The following ACVR1 variants were observed in gnomAD, a reference collection of about 807,000 sequenced individuals.
ACVR1 encodes the protein activin receptor type-1.
A neutral mutation model predicts 57.1 loss-of-function variants in ACVR1; 38 were observed. The ratio of observed to expected loss-of-function variants is 0.67; its 90% CI spans 0.51 to 0.87. The LOEUF is 0.87. Ranked by LOEUF, ACVR1 falls within the 40% of genes least tolerant of loss-of-function variation. The pLI is 0.00. For synonymous variants in ACVR1, 212 were observed against 228.1 expected, an observed-to-expected ratio of 0.93 and a Z score of 0.63; for missense variants, 463 against 638.2, an observed-to-expected ratio of 0.73 and a Z score of 2.96.
intron 3 of ACVR1, among the ~76,000 whole-genome samples, chr2:157,787,533 C>T (rs981996708): frequency 6.6e-6 from 1 of 152,132 alleles, no homozygotes; most frequent in Admixed American, 6.5e-5. Context: ...TCTGGAGGAA[C>T]AGGGAAGAAA....
In ACVR1 at chr2:157,766,222, T is replaced by C. The variant is rs2276148; in HGVS notation, c.791-26A>G. On this transcript the variant is annotated intron_variant, in intron 7 of 10. Coordinates refer to ENST00000434821, the MANE Select transcript of ACVR1 (RefSeq NM_001111067.4). ...CTGGAGAGAGCAAGAAAAAAATTAA[T>C]ATACATGAGGATTCCACATTATAAC... The C allele has an allele frequency of 1.5e-3, 2,484 of 1,611,504 alleles. 32 individuals carry two copies. The East Asian group carries it at 0.029, about 19-fold the overall frequency.
At chr2:157,855,368 C>A in intron 1 of ACVR1, among the ~76,000 whole-genome samples, 1 of 140,228 alleles carries the variant, frequency 7.1e-6, no homozygotes, top group Non-Finnish European at 1.5e-5. Context: ...GACGTGGTGG[C>A]TTTCATCTGT....
intron 2 of ACVR1, among the ~76,000 whole-genome samples, chr2:157,809,700 T>A (rs999307317): frequency 6.6e-6 from 1 of 152,036 alleles, no homozygotes; most frequent in African/African-American, 2.4e-5. Context: ...AAGAATGAAA[T>A]CTTAAAAATA....
intron 7 of ACVR1, 151 bp from the exon 8 acceptor site, chr2:157,766,347 C>A: frequency 1.3e-6 from 1 of 768,836 alleles, no homozygotes; most frequent in Non-Finnish European, 2.1e-6. Context: ...ACAGAAGCAT[C>A]AACAGAGAAA....
intron 9 of ACVR1, among the ~76,000 whole-genome samples, chr2:157,740,896 C>G (rs1218377229): frequency 1.3e-5 from 2 of 152,296 alleles, no homozygotes; most frequent in South Asian, 2.1e-4. Flanking sequence ...GCCTCTTTTT[C>G]CTCAATCATT....
intron 1 of ACVR1, among the ~76,000 whole-genome samples, chr2:157,860,825 T>C (rs1689692605): frequency 6.6e-6 from 1 of 152,156 alleles, no homozygotes; most frequent in Admixed American, 6.6e-5. Flanking sequence ...TACCCCTTCC[T>C]ACGCTCAAGT....
intron 2 of ACVR1, among the ~76,000 whole-genome samples, chr2:157,801,991 T>C (rs1687343922): frequency 6.6e-6 from 1 of 152,160 alleles, no homozygotes; most frequent in Non-Finnish European, 1.5e-5. Flanking sequence ...TTACAAGATA[T>C]GTCTATGGTG....
intron 10 of ACVR1, 72 bp from the exon 11 acceptor site, chr2:157,737,737 C>A (rs761627707): frequency 5.1e-6 from 8 of 1,580,330 alleles, no homozygotes; most frequent in African/African-American, 1.3e-5. Context: ...GGGCTGATAT[C>A]ATGTCTACTA....
intron 1 of ACVR1, among the ~76,000 whole-genome samples, chr2:157,842,026 CAAAAAA>C (rs34227882): frequency 1.0e-5 from 1 of 99,592 alleles, no homozygotes; most frequent in African/African-American, 4.3e-5. Context: ...GACTCCATCT[CAAAAAA>C]AAAAAAAAAA....
intron 1 of ACVR1, among the ~76,000 whole-genome samples, chr2:157,855,711 T>C (rs1689508073): frequency 1.3e-5 from 2 of 152,044 alleles, no homozygotes; most frequent in Admixed American, 1.3e-4. Flanking sequence ...GGAAGAGCTT[T>C]ATAAACTGTA....
Position 157,775,691 on chromosome 2 carries a change from G to A in ACVR1, c.544-1504C>T, listed in dbSNP as rs575226476. ...TCTCCCTAACCATTTTCTCTCTTGCGGTTCTTTTTGCTCCTTATTCATTCA... is the reference window on the plus strand; with the variant it reads ...TCTCCCTAACCATTTTCTCTCTTGCAGTTCTTTTTGCTCCTTATTCATTCA... On this transcript the variant is annotated intron_variant, in intron 5 of 10. Transcript: ENST00000434821. Among the ~76,000 whole-genome samples, 32 of 152,216 alleles carry A rather than the reference G, an allele frequency of 2.1e-4. No individual in the cohort carries two copies. The East Asian group carries it at 4.6e-3, about 22-fold the overall frequency.
At chr2:157,758,112 A>G (rs1366914244) in intron 9 of ACVR1, among the ~76,000 whole-genome samples, 3 of 152,066 alleles carry the variant, frequency 2.0e-5, no homozygotes, top group Non-Finnish European at 4.4e-5. Flanking sequence ...AGGCACATAT[A>G]GACTGAAAGT....
chr2:157,815,578 T>C (rs1331909501), intron 2 of ACVR1, among the ~76,000 whole-genome samples: 2 of 152,150 alleles, frequency 1.3e-5, no homozygotes, highest in African/African-American at 4.8e-5. Flanking sequence ...AGCAATTAAC[T>C]ACAGCCATCA....
intron 1 of ACVR1, among the ~76,000 whole-genome samples, chr2:157,839,070 T>G (rs922787659): frequency 1.4e-4 from 21 of 152,266 alleles, no homozygotes; most frequent in African/African-American, 4.8e-4. Flanking sequence ...AGGTTAATGG[T>G]TTATTTTTAA....
intron 7 of ACVR1, among the ~76,000 whole-genome samples, chr2:157,768,612 A>G (rs1685961597): frequency 1.3e-5 from 2 of 152,220 alleles, no homozygotes; most frequent in Admixed American, 1.3e-4. Context: ...TTACTTTTAA[A>G]TAAGCAGGGT....
At chr2:157,830,572 C>G (rs1450480675) in intron 1 of ACVR1, among the ~76,000 whole-genome samples, 16 of 152,046 alleles carry the variant, frequency 1.1e-4, no homozygotes, top group Admixed American at 1.0e-3. Context: ...AAAGTATTCC[C>G]TACTCTAACA....
In ACVR1 at chr2:157,770,351, G is replaced by A. The variant is rs1236570147; in HGVS notation, c.790+17C>T. 5 of 1,613,642 alleles carry A rather than the reference G, an allele frequency of 3.1e-6. No homozygotes were observed. Among genetic ancestry groups the A allele is most frequent in the Non-Finnish European group, 2.5e-6 (3 of 1,179,602 alleles). On this transcript the variant is annotated intron_variant, in intron 7 of 10. Coordinates refer to ENST00000434821, the MANE Select transcript of ACVR1 (RefSeq NM_001111067.4). ...CTCCCTAGATACAATTAATGAGGGG[G>A]TTATCCTTGTACTTACCTAAGATAT...
intron 3 of ACVR1, among the ~76,000 whole-genome samples, chr2:157,787,698 TCC>T (rs770264565): frequency 6.6e-6 from 1 of 152,098 alleles, no homozygotes; most frequent in Admixed American, 6.5e-5. Context: ...TTTCGTTGTT[TCC>T]CCCACCTCCT....
chr2:157,749,552 T>C lies in ACVR1; in HGVS notation c.1265-10982A>G, dbSNP rs528023029. ...GAAAATAGCAGAATTCACCCTCAGATTCACTTGATCATTCTCCTCAAGTTA... is the reference window on the plus strand; with the variant it reads ...GAAAATAGCAGAATTCACCCTCAGACTCACTTGATCATTCTCCTCAAGTTA... On this transcript the variant is annotated intron_variant, in intron 9 of 10. Coordinates refer to ENST00000434821, the MANE Select transcript of ACVR1 (RefSeq NM_001111067.4). Among the ~76,000 whole-genome samples the C allele has an allele frequency of 1.6e-4, 24 of 152,308 alleles. No individual in the cohort carries two copies. The South Asian group carries it at 4.6e-3, about 29-fold the overall frequency.
Sources: gnomAD v4.1 joint callset for allele counts (sites outside exome capture counted in the v4.1 genomes callset) on GRCh38, gnomAD v4.1.1 for gene constraint, MANE v1.5 for transcripts, NCBI Gene and HGNC (gene_info 2026-07-23, HGNC 2026-07-21) for gene names.